BMPR1A: variants seen among roughly 807,000 people sequenced by gnomAD.
BMPR1A encodes the protein bone morphogenetic protein receptor type-1A.
Under a neutral mutation model 66.0 loss-of-function variants are expected in BMPR1A, and 7 were observed. The ratio of observed to expected loss-of-function variants is 0.11; its 90% CI spans 0.06 to 0.20. BMPR1A has a LOEUF of 0.20. Among genes scored for constraint, BMPR1A ranks in the 10% least tolerant of loss-of-function variants. The pLI, the probability that BMPR1A is intolerant of heterozygous loss-of-function variation, is 1.00. For synonymous variants in BMPR1A, 200 were observed against 229.7 expected, an observed-to-expected ratio of 0.87 and a Z score of 1.17; for missense variants, 408 against 669.1, an observed-to-expected ratio of 0.61 and a Z score of 4.31.
chr10:86,880,187 A>T (rs577226122), intron 3 of BMPR1A, among the ~76,000 whole-genome samples: 1 of 152,172 alleles, frequency 6.6e-6, no homozygotes, highest in Non-Finnish European at 1.5e-5. Context: ...GTGGTCCTAC[A>T]TTCTGTTTGC....
intron 2 of BMPR1A, among the ~76,000 whole-genome samples, chr10:86,873,694 A>G (rs1483351148): frequency 2.0e-5 from 3 of 152,222 alleles, no homozygotes; most frequent in Non-Finnish European, 4.4e-5. Context: ...TTGGAAATAC[A>G]CTGGAAACTT....
chr10:86,864,996 C>T (rs1431998399), intron 2 of BMPR1A, among the ~76,000 whole-genome samples: 1 of 152,098 alleles, frequency 6.6e-6, no homozygotes, highest in African/African-American at 2.4e-5. Context: ...TTCGCCGCCC[C>T]AACACTTCAA....
intron 1 of BMPR1A, among the ~76,000 whole-genome samples, chr10:86,761,617 A>C (rs1344337503): frequency 1.3e-5 from 2 of 152,204 alleles, no homozygotes; most frequent in Non-Finnish European, 2.9e-5. Context: ...AGCACGTGGG[A>C]GTTATTTATA....
rs1554891667 is a variant in BMPR1A at position 86,923,670 on chromosome 10, T to C, written c.1550T>C (p.Ile517Thr). The change falls in exon 13 of 13, where the codon ATT becomes ACT. Residue 517 changes from isoleucine (I) to threonine (T), a missense_variant. Physicochemically the swap from Ile to Thr is moderately conservative, Grantham distance 89. Around this residue, in one of 5 missense-constraint regions of BMPR1A, gnomAD observed 130 missense variants for 257.3 expected, o/e 0.51. Transcript: ENST00000372037. ...GCCTCCAGACTCACAGCATTGAGAATTAAGAAGACGCTTGCCAAGATGGTT... is the reference window on the plus strand; with the variant it reads ...GCCTCCAGACTCACAGCATTGAGAACTAAGAAGACGCTTGCCAAGATGGTT... ...NPASRLTALR[I>T]KKTLAKMVES... 1 of 1,614,220 alleles carries C rather than the reference T, an allele frequency of 6.2e-7. No individual in the cohort carries two copies. Among genetic ancestry groups the C allele is most frequent in the Non-Finnish European group, 8.5e-7 (1 of 1,180,054 alleles).
intron 1 of BMPR1A, among the ~76,000 whole-genome samples, chr10:86,821,188 A>G (rs1239426063): frequency 6.6e-6 from 1 of 152,214 alleles, no homozygotes; most frequent in Non-Finnish European, 1.5e-5. Flanking sequence ...GCCTTGGTTC[A>G]AATCCTGGCT....
chr10:86,926,987 C>A lies in BMPR1A; in HGVS notation c.*3268C>A, dbSNP rs1360770339. The A allele has an allele frequency of 5.3e-6, 1 of 187,946 alleles. No homozygotes were observed. The highest frequency in any genetic ancestry group is 8.5e-5 in the East Asian group (1 of 11,716). 11.6% of individuals were successfully genotyped at this position (187,946 alleles called of 1,614,324 possible). Reference sequence around the variant, plus strand: ...GATGTATAAAACTTGCATCTGATTTCTTTGGAAATATTTTCACAAAAGTTA... The same window carrying A: ...GATGTATAAAACTTGCATCTGATTTATTTGGAAATATTTTCACAAAAGTTA... On this transcript the variant is annotated 3_prime_UTR_variant, in exon 13 of 13. Transcript: ENST00000372037.
chr10:86,791,826 T>A (rs977347010), intron 1 of BMPR1A, among the ~76,000 whole-genome samples: 9 of 149,580 alleles, frequency 6.0e-5, no homozygotes, highest in Admixed American at 2.7e-4. Flanking sequence ...GTTCAAGCAT[T>A]TCTCCCATGT....
intron 1 of BMPR1A, among the ~76,000 whole-genome samples, chr10:86,835,227 C>G (rs1421051583): frequency 6.8e-6 from 1 of 147,182 alleles, no homozygotes; most frequent in Non-Finnish European, 1.5e-5. Flanking sequence ...AGAGTGAGAC[C>G]CTGTCTTTAA....
At chr10:86,765,847 TTTC>T in intron 1 of BMPR1A, among the ~76,000 whole-genome samples, 1 of 152,088 alleles carries the variant, frequency 6.6e-6, no homozygotes, top group Non-Finnish European at 1.5e-5. Flanking sequence ...TAGAAAAAAT[TTTC>T]TTTTCTGTTG....
intron 1 of BMPR1A, among the ~76,000 whole-genome samples, chr10:86,780,571 A>T (rs1304558008): frequency 3.9e-5 from 6 of 152,052 alleles, no homozygotes; most frequent in African/African-American, 1.4e-4. Flanking sequence ...AGTAGCTGGG[A>T]TTACAGGCGT....
rs373273591 is a variant in BMPR1A, at chr10:86,862,769, A to T, written c.-152-13098A>T. ...TTGAGATTTTAGGCCTGGTTACATC[A>T]GTGTAGCGATATTCTAAAAATAAAA... is the stretch of plus-strand genomic sequence containing the variant. On this transcript the variant is annotated intron_variant, in intron 2 of 12. Transcript: ENST00000372037. Among the ~76,000 whole-genome samples, 18 of 152,198 alleles carry T rather than the reference A, an allele frequency of 1.2e-4. No individual in the cohort carries two copies. The East Asian group carries it at 1.4e-3, about 11-fold the overall frequency.
intron 7 of BMPR1A, among the ~76,000 whole-genome samples, chr10:86,911,337 A>G (rs958158211): frequency 9.9e-5 from 15 of 152,166 alleles, no homozygotes; most frequent in African/African-American, 3.6e-4. Flanking sequence ...TCATGGACTG[A>G]GAAGATTGTT....
At chr10:86,764,062 A>G (rs1233277936) in intron 1 of BMPR1A, among the ~76,000 whole-genome samples, 1 of 152,188 alleles carries the variant, frequency 6.6e-6, no homozygotes, top group Non-Finnish European at 1.5e-5. Context: ...AAGTGCTGGG[A>G]TTACAGGCGT....
intron 2 of BMPR1A, chr10:86,855,834 C>A: frequency 1.1e-6 from 1 of 942,292 alleles, no homozygotes; most frequent in South Asian, 1.7e-5. Flanking sequence ...AAGTCTTGCT[C>A]ATTATCACTG....
intron 2 of BMPR1A, among the ~76,000 whole-genome samples, chr10:86,873,159 G>GA (rs1842874162): frequency 6.6e-6 from 1 of 152,084 alleles, no homozygotes; most frequent in Admixed American, 6.6e-5. Context: ...AACCAATGAG[G>GA]AAACAGTGAC....
downstream of BMPR1A, chr10:86,928,353 G>A (rs953888105): frequency 6.6e-5 from 10 of 150,884 alleles, 4 homozygotes; most frequent in Admixed American, 6.6e-4. Flanking sequence ...CTCCCGAATA[G>A]CTGGAACTAC....
At chr10:86,850,988 T>C (rs1842559670) in intron 2 of BMPR1A, among the ~76,000 whole-genome samples, 1 of 152,226 alleles carries the variant, frequency 6.6e-6, no homozygotes, top group African/African-American at 2.4e-5. Flanking sequence ...AGCGCTGAAC[T>C]ATTCATGATA....
intron 8 of BMPR1A, 64 bp from the exon 9 acceptor site, chr10:86,917,070 C>G: frequency 6.5e-7 from 1 of 1,545,820 alleles, no homozygotes; most frequent in Non-Finnish European, 8.9e-7. Flanking sequence ...ATGGACTACC[C>G]CTTTGCCAGT....
At chr10:86,766,594 C>T (rs796153279) in intron 1 of BMPR1A, among the ~76,000 whole-genome samples, 210 of 151,310 alleles carry the variant, frequency 1.4e-3, no homozygotes, top group African/African-American at 4.7e-3. Flanking sequence ...TATGTTCTCT[C>T]CTCCCAACAT....
Sources: gnomAD v4.1 joint callset for allele counts (sites outside exome capture counted in the v4.1 genomes callset) on GRCh38, gnomAD v4.1.1 for gene constraint, gnomAD v4.1.1 regional missense constraint, MANE v1.5 for transcripts, NCBI Gene and HGNC (gene_info 2026-07-23, HGNC 2026-07-21) for gene names.